Variants in RAVER2 observed in about 807,000 individuals in gnomAD.
The protein encoded by RAVER2 is ribonucleoprotein, PTB binding 2.
A neutral mutation model predicts 78.1 loss-of-function variants in RAVER2; 46 were observed. That is an observed-to-expected ratio of 0.59 (90% CI 0.46 to 0.75). The LOEUF (loss-of-function observed/expected upper bound fraction) is 0.75, where lower values mean the gene tolerates loss of function less well. Ranked by LOEUF, RAVER2 falls within the 30% of genes least tolerant of loss-of-function variation. The pLI, the probability that RAVER2 is intolerant of heterozygous loss-of-function variation, is 0.00. For missense variants in RAVER2, 793 were observed against 837.5 expected (o/e 0.95, Z 0.66); for synonymous variants, 311 against 313.3 (o/e 0.99, Z 0.08).
At chr1:64,823,674 C>T (rs1653938376) in intron 11 of RAVER2, among the ~76,000 whole-genome samples, 1 of 152,152 alleles carries the variant, frequency 6.6e-6, no homozygotes, top group South Asian at 2.1e-4. Context: ...AAACATTTCA[C>T]CCTTCCCCTT....
rs1020023685 is a variant in RAVER2, at chr1:64,832,174, AT to A, written c.*1191del. On this transcript the variant is annotated 3_prime_UTR_variant, in exon 12 of 12. Coordinates refer to ENST00000294428, the Ensembl canonical transcript of RAVER2. ...GCCTATTTTGATCACTAAATGCCCT[AT>A]TATTTCCACAATATAGTATAGTAAA... 2.0e-4 allele frequency: 7 copies of A among 35,220 alleles called. No homozygotes were observed. In the African/African-American group the frequency reaches 6.9e-3, roughly 35 times the overall value. The allele number at this position is 35,220 out of a possible 1,614,324, so 2.2% of individuals were successfully genotyped here.
At chr1:64,782,517 G>C (rs1652658725) in intron 4 of RAVER2, among the ~76,000 whole-genome samples, 1 of 152,210 alleles carries the variant, frequency 6.6e-6, no homozygotes, top group South Asian at 2.1e-4. Flanking sequence ...AAGTGAATAG[G>C]ATTGCCACAG....
At chr1:64,807,427 C>A (rs1653472361) in exon 9 of RAVER2, 6 of 1,614,040 alleles carry the variant, frequency 3.7e-6, no homozygotes, top group Non-Finnish European at 5.1e-6. Flanking sequence ...GGTGGGACAC[C>A]ATAAGCAGCA....
intron 1 of RAVER2, among the ~76,000 whole-genome samples, chr1:64,750,883 T>C (rs1018856240): frequency 6.6e-6 from 1 of 152,248 alleles, no homozygotes; most frequent in Non-Finnish European, 1.5e-5. Context: ...TTCTTTTTCA[T>C]GTGTTTTGTT....
At chr1:64,799,649 C>CA in intron 5 of RAVER2, among the ~76,000 whole-genome samples, 1 of 152,194 alleles carries the variant, frequency 6.6e-6, no homozygotes, top group African/African-American at 2.4e-5. Flanking sequence ...CCATGTTGGC[C>CA]AGGCTGATCT....
intron 5 of RAVER2, among the ~76,000 whole-genome samples, chr1:64,791,768 T>A (rs1004602203): frequency 1.3e-5 from 2 of 152,224 alleles, no homozygotes; most frequent in African/African-American, 4.8e-5. Context: ...TTTCAGTTAC[T>A]GGAAAGTTTT....
At chr1:64,790,158 C>T (rs552516305) in intron 5 of RAVER2, among the ~76,000 whole-genome samples, 5 of 152,322 alleles carry the variant, frequency 3.3e-5, no homozygotes, top group East Asian at 1.9e-4. Context: ...ACAGTGGTCT[C>T]CCCTTATCTA....
intron 5 of RAVER2, among the ~76,000 whole-genome samples, chr1:64,797,055 TATAGAC>T (rs1253529879): frequency 2.0e-5 from 3 of 152,210 alleles, no homozygotes; most frequent in African/African-American, 2.4e-5. Context: ...TTAATTCACT[TATAGAC>T]AGAGATGATA....
intron 2 of RAVER2, among the ~76,000 whole-genome samples, chr1:64,772,377 AATT>A (rs1652342229): frequency 6.6e-6 from 1 of 152,122 alleles, no homozygotes; most frequent in South Asian, 2.1e-4. Context: ...TCAGTTTTTA[AATT>A]ATTAGTTGAT....
intron 1 of RAVER2, among the ~76,000 whole-genome samples, chr1:64,747,894 C>T (rs1013180008): frequency 6.6e-6 from 1 of 152,146 alleles, no homozygotes; most frequent in African/African-American, 2.4e-5. Flanking sequence ...ATTTATGTCT[C>T]TAGAAAATAC....
chr1:64,758,476 C>A (rs1397431651), intron 1 of RAVER2, among the ~76,000 whole-genome samples: 1 of 151,954 alleles, frequency 6.6e-6, no homozygotes, highest in East Asian at 1.9e-4. Context: ...AGGGGAAATT[C>A]GAGGATTGAA....
chr1:64,745,167 G>C lies in RAVER2; in HGVS notation c.-6G>C. 1 of 1,018,064 alleles carries C rather than the reference G, an allele frequency of 9.8e-7. No homozygotes were observed. The highest frequency in any genetic ancestry group is 1.2e-6 in the Non-Finnish European group (1 of 853,048). The allele number at this position is 1,018,064 out of a possible 1,614,324, so 63.1% of individuals were successfully genotyped here. ...AGGAGTCCGCAGCCGCTGGGCGCCC[G>C]GGAAGATGGCGGCGGCGGCGGGAGA... On this transcript the variant is annotated 5_prime_UTR_variant, in exon 1 of 12. Transcript: ENST00000294428. This position sits in a 1 kb window ranked among gnomAD's most constrained non-coding sequence, Gnocchi z 4.3.
intron 3 of RAVER2, 58 bp downstream of exon 3, chr1:64,778,150 C>G (rs941739724): frequency 2.5e-6 from 3 of 1,193,052 alleles, no homozygotes; most frequent in Non-Finnish European, 3.5e-6. Context: ...TGTATCTAAT[C>G]TACATACACT....
In RAVER2 at chr1:64,807,468, T is replaced by A. The variant is rs755955570; in HGVS notation, c.1674T>A (p.Ser558Arg). Residue 558 changes from serine to arginine, a missense_variant, in exon 9 of 12, where the codon AGT becomes AGA. Physicochemically the swap from Ser to Arg is moderately radical, Grantham distance 110. Coordinates refer to ENST00000294428, the Ensembl canonical transcript of RAVER2. Reference sequence around the variant, plus strand: ...GCCAGCCAAAAGGCACAGAGATAAGTTCAGGGGTAAGAAAACTGTGGGTGC... The same window carrying A: ...GCCAGCCAAAAGGCACAGAGATAAGATCAGGGGTAAGAAAACTGTGGGTGC... 3.7e-6 allele frequency: 6 copies of A among 1,612,748 alleles called. No individual in the cohort carries two copies. In the South Asian group the frequency reaches 5.5e-5, roughly 15 times the overall value.
At chr1:64,791,399 G>C (rs1257747013) in intron 5 of RAVER2, among the ~76,000 whole-genome samples, 1 of 152,162 alleles carries the variant, frequency 6.6e-6, no homozygotes, top group Non-Finnish European at 1.5e-5. Context: ...TATAGAGTTG[G>C]TCTTTCTGCA....
intron 5 of RAVER2, among the ~76,000 whole-genome samples, chr1:64,802,542 T>C (rs1653296969): frequency 6.6e-6 from 1 of 152,216 alleles, no homozygotes; most frequent in Non-Finnish European, 1.5e-5. Context: ...TTTGTGTACA[T>C]ATATTGTCTT....
chr1:64,750,448 A>G (rs1226211927), intron 1 of RAVER2, among the ~76,000 whole-genome samples: 3 of 152,010 alleles, frequency 2.0e-5, no homozygotes, highest in Non-Finnish European at 4.4e-5. Flanking sequence ...AGTTGGGACC[A>G]TAGGCATGCA....
At chr1:64,814,521 AG>A (rs1309102013) in intron 10 of RAVER2, among the ~76,000 whole-genome samples, 182 bp from the exon 11 acceptor site, 1 of 152,132 alleles carries the variant, frequency 6.6e-6, no homozygotes, top group Non-Finnish European at 1.5e-5. Flanking sequence ...AAAATTATTT[AG>A]TTATATATTG....
chr1:64,790,121 T>C (rs1652895122), intron 5 of RAVER2, among the ~76,000 whole-genome samples: 1 of 152,256 alleles, frequency 6.6e-6, no homozygotes, highest in South Asian at 2.1e-4. Context: ...ATGTCTGTTT[T>C]AGCATTATGA....
Sources: allele counts gnomAD v4.1 joint callset (sites outside exome capture counted in the v4.1 genomes callset), GRCh38; gene constraint gnomAD v4.1.1; non-coding constraint Gnocchi (gnomAD v3.1); transcripts MANE v1.5; gene names NCBI Gene and HGNC (gene_info 2026-07-23, HGNC 2026-07-21).